HS6ST3: variants seen among roughly 807,000 people sequenced by gnomAD.
HS6ST3 encodes the protein heparan sulfate 6-O-sulfotransferase 3.
HS6ST3 carries 12 observed loss-of-function variants against 36.7 expected under a neutral mutation model. That is an observed-to-expected ratio of 0.33 (90% CI 0.21 to 0.53). The LOEUF (loss-of-function observed/expected upper bound fraction) is 0.53, where lower values mean the gene tolerates loss of function less well. Among genes scored for constraint, HS6ST3 ranks in the 20% least tolerant of loss-of-function variants. HS6ST3 has a pLI of 0.95. For missense variants in HS6ST3, 584 were observed against 640.9 expected, an observed-to-expected ratio of 0.91 and a Z score of 0.96; for synonymous variants, 240 against 257.5, an observed-to-expected ratio of 0.93 and a Z score of 0.65.
At chr13:96,094,721 G>C (rs2053781616) in intron 1 of HS6ST3, among the ~76,000 whole-genome samples, 1 of 152,166 alleles carries the variant, frequency 6.6e-6, no homozygotes, top group East Asian at 1.9e-4. Context: ...GGATTATGTG[G>C]GTCATGAAGG....
At chr13:96,171,477 G>A (rs571987152) in intron 1 of HS6ST3, among the ~76,000 whole-genome samples, 5 of 152,126 alleles carry the variant, frequency 3.3e-5, no homozygotes, top group South Asian at 4.2e-4. Context: ...CAGGCCTCTC[G>A]GGTTATCGGG....
At chr13:96,825,803 G>A (rs1040095903) in intron 1 of HS6ST3, among the ~76,000 whole-genome samples, 5 of 152,074 alleles carry the variant, frequency 3.3e-5, no homozygotes, top group Non-Finnish European at 7.4e-5. Flanking sequence ...TGAGCTTCCT[G>A]GTCAAGTCTC....
chr13:96,545,284 A>G (rs1341423964), intron 1 of HS6ST3, among the ~76,000 whole-genome samples: 3 of 152,196 alleles, frequency 2.0e-5, no homozygotes, highest in Admixed American at 6.5e-5. Flanking sequence ...TGGAGTAATT[A>G]TTTCTATTTG....
intron 1 of HS6ST3, among the ~76,000 whole-genome samples, chr13:96,556,005 G>C (rs1594806088): frequency 6.6e-6 from 1 of 152,134 alleles, no homozygotes; most frequent in Non-Finnish European, 1.5e-5. Flanking sequence ...CCTTAAGTTA[G>C]CATCATAGAT....
chr13:96,777,679 C>G (rs547897952), intron 1 of HS6ST3, among the ~76,000 whole-genome samples: 2 of 152,068 alleles, frequency 1.3e-5, no homozygotes, highest in Non-Finnish European at 2.9e-5. Flanking sequence ...AGGAAGGACA[C>G]AAACAAATGG....
At chr13:96,493,960 A>G (rs562591473) in intron 1 of HS6ST3, among the ~76,000 whole-genome samples, 37 of 152,324 alleles carry the variant, frequency 2.4e-4, no homozygotes, top group African/African-American at 8.4e-4. Flanking sequence ...AAAAGCCATT[A>G]GTTCAGAGTC....
chr13:96,491,472 C>CAA (rs10632047), intron 1 of HS6ST3, among the ~76,000 whole-genome samples: 12,859 of 123,360 alleles, frequency 0.1, 691 homozygotes, highest in Middle Eastern at 0.14. Flanking sequence ...TACTAATGTG[C>CAA]AAAAAAAAAA....
intron 1 of HS6ST3, among the ~76,000 whole-genome samples, chr13:96,345,408 C>T (rs2055148945): frequency 6.6e-6 from 1 of 152,016 alleles, no homozygotes. Flanking sequence ...GTGCATATAT[C>T]TAGTGCCCGG....
chr13:96,197,303 G>T (rs1370249900), intron 1 of HS6ST3, among the ~76,000 whole-genome samples: 1 of 152,168 alleles, frequency 6.6e-6, no homozygotes, highest in African/African-American at 2.4e-5. Context: ...AAACCCATCA[G>T]ATCTTGTGGG....
intron 1 of HS6ST3, among the ~76,000 whole-genome samples, chr13:96,434,485 A>G (rs1237536740): frequency 6.6e-6 from 1 of 152,016 alleles, no homozygotes; most frequent in Non-Finnish European, 1.5e-5. Context: ...CTTGCCCTTT[A>G]CCTGTACAAC....
chr13:96,734,160 C>A (rs1352375393), intron 1 of HS6ST3, among the ~76,000 whole-genome samples: 3 of 152,182 alleles, frequency 2.0e-5, no homozygotes, highest in Non-Finnish European at 4.4e-5. Flanking sequence ...GGACACGAAC[C>A]AGATCTGTCA....
At chr13:96,778,693 G>A (rs551465919) in intron 1 of HS6ST3, among the ~76,000 whole-genome samples, 1 of 152,306 alleles carries the variant, frequency 6.6e-6, no homozygotes, top group South Asian at 2.1e-4. Context: ...AGGATGTGGA[G>A]AAACTGGAAC....
At chr13:96,409,985 A>G (rs541798587) in intron 1 of HS6ST3, among the ~76,000 whole-genome samples, 14 of 152,242 alleles carry the variant, frequency 9.2e-5, no homozygotes, top group Non-Finnish European at 1.8e-4. Flanking sequence ...TATAAATGCC[A>G]GGTGGATTAC....
At chr13:96,719,372 A>T (rs1017561664) in intron 1 of HS6ST3, among the ~76,000 whole-genome samples, 1 of 152,078 alleles carries the variant, frequency 6.6e-6, no homozygotes, top group African/African-American at 2.4e-5. Context: ...AGAAAGAGCA[A>T]GAGAGCCTGT....
intron 1 of HS6ST3, among the ~76,000 whole-genome samples, chr13:96,541,335 C>A (rs1011923610): frequency 6.6e-6 from 1 of 152,152 alleles, no homozygotes; most frequent in East Asian, 1.9e-4. Context: ...CTGTGCCCAG[C>A]CCCATTTAGA....
chr13:96,394,339 A>C (rs2055410447), intron 1 of HS6ST3, among the ~76,000 whole-genome samples: 1 of 151,792 alleles, frequency 6.6e-6, no homozygotes, highest in Admixed American at 6.6e-5. Context: ...CTGGTAATCA[A>C]GTGTTTAGCA....
chr13:96,345,440 GA>G, intron 1 of HS6ST3, among the ~76,000 whole-genome samples: 1 of 152,100 alleles, frequency 6.6e-6, no homozygotes, highest in Non-Finnish European at 1.5e-5. Flanking sequence ...AGAACTGTAT[GA>G]AGATGTTATG....
intron 1 of HS6ST3, among the ~76,000 whole-genome samples, chr13:96,332,077 T>C (rs1046043925): frequency 1.4e-4 from 22 of 152,256 alleles, no homozygotes; most frequent in African/African-American, 5.3e-4. Context: ...CTGCGCCCAC[T>C]GTCTGGCACT....
intron 1 of HS6ST3, among the ~76,000 whole-genome samples, chr13:96,310,112 G>A (rs919118118): frequency 1.3e-5 from 2 of 152,012 alleles, no homozygotes; most frequent in Non-Finnish European, 2.9e-5. Context: ...TACTCTTCAA[G>A]AATTTTATAT....
Sources: gnomAD v4.1 joint callset for allele counts (sites outside exome capture counted in the v4.1 genomes callset) on GRCh38, gnomAD v4.1.1 for gene constraint, MANE v1.5 for transcripts, NCBI Gene and HGNC (gene_info 2026-07-23, HGNC 2026-07-21) for gene names.